The following GABRG3 variants were observed in gnomAD, a reference collection of about 807,000 sequenced individuals.
GABRG3 encodes gamma-aminobutyric acid type A receptor subunit gamma3.
Under a neutral mutation model 48.8 loss-of-function variants are expected in GABRG3, and 25 were observed. That is an observed-to-expected ratio of 0.51 (90% CI 0.37 to 0.72). The LOEUF (loss-of-function observed/expected upper bound fraction) is 0.72, where lower values mean the gene tolerates loss of function less well. Ranked by LOEUF, GABRG3 falls within the 30% of genes least tolerant of loss-of-function variation. The pLI is 0.00. For synonymous variants in GABRG3, 227 were observed against 217.6 expected (o/e 1.04, Z -0.38); for missense variants, 394 against 577.9 (o/e 0.68, Z 3.26).
Position 27,008,955 on chromosome 15 carries a change from A to T in GABRG3, c.203-17799A>T, listed in dbSNP as rs1396126242. Among the ~76,000 whole-genome samples, 6 of 152,206 alleles carry T rather than the reference A, an allele frequency of 3.9e-5. No individual in the cohort carries two copies. In the South Asian group the frequency reaches 1.0e-3, roughly 26 times the overall value. ...CAGCTGCAGCCCCCATGGATGAGGA[A>T]TGTTTCCAGAGAAGAGAGGTAGGGG... On this transcript the variant is annotated intron_variant, in intron 2 of 9. Coordinates refer to ENST00000615808, the MANE Select transcript of GABRG3 (RefSeq NM_033223.5).
chr15:27,490,906 C>G (rs1159375425), intron 6 of GABRG3, among the ~76,000 whole-genome samples: 5 of 151,896 alleles, frequency 3.3e-5, no homozygotes, highest in Admixed American at 6.6e-5. Flanking sequence ...CACCACCCCC[C>G]CTTCACACTG....
chr15:27,452,837 G>T (rs979022243), intron 5 of GABRG3, among the ~76,000 whole-genome samples: 5 of 152,168 alleles, frequency 3.3e-5, no homozygotes, highest in African/African-American at 1.2e-4. Context: ...AGAGGTAGCT[G>T]CAATTCCATG....
At chr15:27,072,039 C>T (rs1157567479) in intron 3 of GABRG3, among the ~76,000 whole-genome samples, 1 of 152,174 alleles carries the variant, frequency 6.6e-6, no homozygotes, top group Non-Finnish European at 1.5e-5. Flanking sequence ...TTAGCTATTG[C>T]AGTTCCTACA....
Position 27,405,855 on chromosome 15 carries a change from G to GC in GABRG3, c.575-74795_575-74794insC, listed in dbSNP as rs1566826760. Among the ~76,000 whole-genome samples the GC allele has an allele frequency of 3.3e-5, 5 of 151,856 alleles. No individual in the cohort carries two copies. In the South Asian group the frequency reaches 8.4e-4, roughly 25 times the overall value. On this transcript the variant is annotated intron_variant, in intron 5 of 9. Coordinates refer to ENST00000615808, the MANE Select transcript of GABRG3 (RefSeq NM_033223.5). ...GAAATGGCTGATTCTAGGACTGGGG[G>GC]AGGGAATATAGGGAAAATAGAGGAA... is the stretch of plus-strand genomic sequence containing the variant.
chr15:27,399,954 C>T (rs1307200588), intron 5 of GABRG3, among the ~76,000 whole-genome samples: 1 of 152,134 alleles, frequency 6.6e-6, no homozygotes, highest in Non-Finnish European at 1.5e-5. Context: ...GAGTTATATT[C>T]TTGTAAATAT....
chr15:26,974,066 T>C lies in GABRG3; in HGVS notation c.53+2478T>C, dbSNP rs1391874954. ...GGGCCTGGTGGTCTGGCACTAGCAA[T>C]GTGAGGCTTCTATTTCATTTTCAGG... On this transcript the variant is annotated intron_variant, in intron 1 of 9. Transcript: ENST00000615808. The surrounding 1 kb of genome is among the most constrained non-coding windows in gnomAD (Gnocchi z 4.3). Among the ~76,000 whole-genome samples, 1 of 152,180 alleles carries C rather than the reference T, an allele frequency of 6.6e-6. No individual in the cohort carries two copies. The highest frequency in any genetic ancestry group is 2.4e-5 in the African/African-American group (1 of 41,452).
At chr15:27,234,512 T>C (rs971878609) in intron 3 of GABRG3, among the ~76,000 whole-genome samples, 1 of 152,182 alleles carries the variant, frequency 6.6e-6, no homozygotes, top group African/African-American at 2.4e-5. Context: ...CTGCCTGTCA[T>C]GTAATAGGCA....
chr15:27,348,655 C>G (rs901490895), intron 5 of GABRG3, among the ~76,000 whole-genome samples: 1 of 152,100 alleles, frequency 6.6e-6, no homozygotes. Flanking sequence ...TCTACTAATA[C>G]TAATACATAA....
intron 3 of GABRG3, among the ~76,000 whole-genome samples, chr15:27,101,772 C>T (rs1253713293): frequency 1.0e-4 from 15 of 146,964 alleles, no homozygotes. Flanking sequence ...CTTCCCTGGG[C>T]CACACTGGAA....
intron 3 of GABRG3, among the ~76,000 whole-genome samples, chr15:27,140,911 A>C (rs1898090588): frequency 6.6e-6 from 1 of 152,138 alleles, no homozygotes; most frequent in South Asian, 2.1e-4. Context: ...AAAACGGTTA[A>C]AATGTTTGTG....
At chr15:27,087,243 C>A (rs765569808) in intron 3 of GABRG3, among the ~76,000 whole-genome samples, 4 of 152,198 alleles carry the variant, frequency 2.6e-5, no homozygotes, top group East Asian at 1.9e-4. Flanking sequence ...CTATGCCATG[C>A]CAGGGCATGG....
In GABRG3 at chr15:27,130,075, AT is replaced by A. The variant is rs555772420; in HGVS notation, c.270+103261del. Among the ~76,000 whole-genome samples the A allele has an allele frequency of 5.6e-3, 854 of 152,012 alleles. 9 individuals carry two copies. The highest frequency in any genetic ancestry group is 0.019 in the African/African-American group (808 of 41,480). On this transcript the variant is annotated intron_variant, in intron 3 of 9. Coordinates refer to ENST00000615808, the MANE Select transcript of GABRG3 (RefSeq NM_033223.5). ...GATTTTGATGTAGTCCAGTTTATCT[AT>A]TTTTTTCTTTTGTTGCTTGTGTTCT...
intron 5 of GABRG3, 140 bp downstream of exon 5, chr15:27,329,028 C>T: frequency 2.7e-6 from 2 of 733,756 alleles, no homozygotes; most frequent in East Asian, 2.7e-5. Context: ...CAGTATTGAC[C>T]ACCTGGGTGT....
rs1595766746 is a variant in GABRG3 at position 27,457,497 on chromosome 15, A to C, written c.575-23153A>C. Among the ~76,000 whole-genome samples the C allele has an allele frequency of 6.6e-6, 1 of 152,296 alleles. No individual in the cohort carries two copies. The highest frequency in any genetic ancestry group is 1.9e-4 in the East Asian group (1 of 5,162). ...CTTGAGATAAACAATCTTTTAACACAGCAATGGGTCTGGGCTTTAAATGAA... is the reference window on the plus strand; with the variant it reads ...CTTGAGATAAACAATCTTTTAACACCGCAATGGGTCTGGGCTTTAAATGAA... On this transcript the variant is annotated intron_variant, in intron 5 of 9. Coordinates refer to ENST00000615808, the MANE Select transcript of GABRG3 (RefSeq NM_033223.5). This position sits in a 1 kb window ranked among gnomAD's most constrained non-coding sequence, Gnocchi z 4.4.
chr15:27,036,226 C>T (rs568831315), intron 3 of GABRG3, among the ~76,000 whole-genome samples: 2 of 152,224 alleles, frequency 1.3e-5, no homozygotes, highest in East Asian at 3.9e-4. Flanking sequence ...TGAAGGTTTC[C>T]TTTATAGAAT....
intron 5 of GABRG3, among the ~76,000 whole-genome samples, chr15:27,407,462 A>G (rs1022692750): frequency 6.6e-5 from 10 of 152,308 alleles, no homozygotes; most frequent in South Asian, 4.1e-4. Context: ...ACTCCTTGGT[A>G]TTTGCCCAAA....
intron 5 of GABRG3, among the ~76,000 whole-genome samples, chr15:27,409,032 CT>C (rs897850469): frequency 2.0e-5 from 3 of 151,214 alleles, no homozygotes; most frequent in Non-Finnish European, 4.4e-5. Flanking sequence ...CTTTCTGGTC[CT>C]TTTTTTTTCT....
Position 27,179,630 on chromosome 15 carries a change from A to C in GABRG3, c.271-147179A>C, listed in dbSNP as rs766049726. On this transcript the variant is annotated intron_variant, in intron 3 of 9. Transcript: ENST00000615808. The surrounding 1 kb of genome is among the most constrained non-coding windows in gnomAD (Gnocchi z 4.0). ...ACTCATTTCCAGACTACAAAGATGC[A>C]CAGAACCCTCGAGTCCTGTTGTCCT... Among the ~76,000 whole-genome samples the C allele has an allele frequency of 1.3e-5, 2 of 152,204 alleles. No homozygotes were observed. Among genetic ancestry groups the C allele is most frequent in the Non-Finnish European group, 2.9e-5 (2 of 68,038 alleles).
At chr15:27,005,691 C>T (rs1224392073) in intron 2 of GABRG3, among the ~76,000 whole-genome samples, 1 of 152,056 alleles carries the variant, frequency 6.6e-6, no homozygotes, top group South Asian at 2.1e-4. Context: ...CATATAGGAG[C>T]AGTCGGAATT....
Sources: allele counts gnomAD v4.1 joint callset (sites outside exome capture counted in the v4.1 genomes callset), GRCh38; gene constraint gnomAD v4.1.1; non-coding constraint Gnocchi (gnomAD v3.1); transcripts MANE v1.5; gene names NCBI Gene and HGNC (gene_info 2026-07-23, HGNC 2026-07-21).